Variants in URB1 observed in about 807,000 individuals in gnomAD.
URB1 encodes nucleolar pre-ribosomal-associated protein 1.
Under a neutral mutation model 242.3 loss-of-function variants are expected in URB1, and 197 were observed. The observed-to-expected ratio is 0.81, with a 90% CI of 0.72 to 0.91. URB1 has a LOEUF of 0.91. Among genes scored for constraint, URB1 ranks in the 40% least tolerant of loss-of-function variants. The pLI is 0.00. For missense variants in URB1, 2,721 were observed against 2,860.5 expected, an observed-to-expected ratio of 0.95 and a Z score of 1.11; for synonymous variants, 1,153 against 1,201.8, an observed-to-expected ratio of 0.96 and a Z score of 0.84.
Position 32,322,608 on chromosome 21 carries a change from G to A in URB1, c.5234-24C>T, listed in dbSNP as rs148046445. The A allele has an allele frequency of 7.8e-4, 1,196 of 1,527,558 alleles. 7 individuals carry two copies. The African/African-American group carries it at 0.014, about 18-fold the overall frequency. The allele number at this position is 1,527,558 out of a possible 1,614,324, so 94.6% of individuals were successfully genotyped here. A position where few individuals can be genotyped will look rare whatever the true frequency, so the allele number is the denominator to read the frequency against. ...CTCTGAGAACACAGGCAGTCAGTCAGTCATGGCAGGCCCCAGCAGGACGCC... is the reference window on the plus strand; with the variant it reads ...CTCTGAGAACACAGGCAGTCAGTCAATCATGGCAGGCCCCAGCAGGACGCC... On this transcript the variant is annotated intron_variant, in intron 32 of 38. Coordinates refer to ENST00000382751, the MANE Select transcript of URB1 (RefSeq NM_014825.3).
At chr21:32,392,746 T>TG in intron 1 of URB1, 23 bp downstream of exon 1, 1 of 1,417,744 alleles carries the variant, frequency 7.1e-7, no homozygotes, top group Non-Finnish European at 9.2e-7. Context: ...CTCCCGACCC[T>TG]GCGCCTGCCG....
chr21:32,382,475 T>C (rs768731921), intron 4 of URB1, among the ~76,000 whole-genome samples: 2 of 152,126 alleles, frequency 1.3e-5, no homozygotes, highest in African/African-American at 2.4e-5. Context: ...CCATAAAAGC[T>C]ACTTGGTATT....
chr21:32,392,336 A>G (rs1053162162), intron 1 of URB1, among the ~76,000 whole-genome samples: 2 of 152,196 alleles, frequency 1.3e-5, no homozygotes, highest in Admixed American at 6.5e-5. Flanking sequence ...CAAGTCATCA[A>G]GTCAGTATGA....
intron 4 of URB1, among the ~76,000 whole-genome samples, chr21:32,382,761 G>C (rs547522485): frequency 6.6e-5 from 10 of 152,078 alleles, no homozygotes; most frequent in Non-Finnish European, 1.5e-5. Flanking sequence ...CAGCACACGC[G>C]ATGGGAGGAT....
intron 28 of URB1, 24 bp downstream of exon 28, chr21:32,337,070 G>A: frequency 6.4e-6 from 10 of 1,550,968 alleles, no homozygotes; most frequent in Non-Finnish European, 8.7e-6. Context: ...TCAAGGCCTA[G>A]TCTACCTCTA....
At position 32,375,560 on chromosome 21, in the gene URB1, AG is replaced by A. The variant is rs2033450044; in HGVS notation, c.665-78del. 7 of 828,148 alleles carry A rather than the reference AG, an allele frequency of 8.5e-6. No individual in the cohort carries two copies. In the East Asian group the frequency reaches 2.1e-4, roughly 25 times the overall value. The allele number at this position is 828,148 out of a possible 1,614,324, so 51.3% of individuals were successfully genotyped here. ...AATAGACGAGAGAATATTACTGTTT[AG>A]GTGGTACAGCAAACAATGCCATTTA... On this transcript the variant is annotated intron_variant, in intron 5 of 38. Transcript: ENST00000382751.
chr21:32,316,560 C>T lies in URB1; in HGVS notation c.6540G>A (p.Leu2180=). ...ACLFNTVMLQ[L]VAAQGRAGSP... ...TCCCTGCCCGGCCCTGGGCAGCCAC[C>T]AGCTGCAGCATGACCGTATTGAACA... is the stretch of plus-strand genomic sequence containing the variant. The change falls in exon 38 of 39, where the codon CTG becomes CTA. Residue 2180 remains leucine, a synonymous_variant. Coordinates refer to ENST00000382751, the MANE Select transcript of URB1 (RefSeq NM_014825.3). 2 of 1,551,330 alleles carry T rather than the reference C, an allele frequency of 1.3e-6. No individual in the cohort carries two copies. The highest frequency in any genetic ancestry group is 8.7e-7 in the Non-Finnish European group (1 of 1,146,908).
chr21:32,386,166 A>AT (rs1008965357), intron 1 of URB1, among the ~76,000 whole-genome samples: 1 of 150,696 alleles, frequency 6.6e-6, no homozygotes, highest in Non-Finnish European at 1.5e-5. Context: ...AAAAAAAAAA[A>AT]GAAAGAAAGA....
At chr21:32,341,758 T>A (rs1166682148) in intron 24 of URB1, among the ~76,000 whole-genome samples, 1 of 151,950 alleles carries the variant, frequency 6.6e-6, no homozygotes, top group East Asian at 1.9e-4. Flanking sequence ...AATGATTATT[T>A]TTTTTTAATA....
At chr21:32,369,461 A>T (rs1054432169) in intron 8 of URB1, among the ~76,000 whole-genome samples, 17 of 152,130 alleles carry the variant, frequency 1.1e-4, no homozygotes, top group Non-Finnish European at 2.5e-4. Flanking sequence ...TTTAATTTTT[A>T]AAATTTTTTA....
chr21:32,325,431 T>G (rs757227418), intron 30 of URB1, 42 bp from the exon 31 acceptor site: 1 of 1,520,308 alleles, frequency 6.6e-7, no homozygotes, highest in Non-Finnish European at 8.9e-7. Flanking sequence ...CACAATATGA[T>G]TTTATTATTC....
At chr21:32,391,974 T>C (rs764443186) in intron 1 of URB1, among the ~76,000 whole-genome samples, 2 of 151,914 alleles carry the variant, frequency 1.3e-5, no homozygotes, top group African/African-American at 2.4e-5. Flanking sequence ...CAGTGAGCTA[T>C]GATAGTGCCA....
chr21:32,367,763 ACT>A (rs1243295730), intron 9 of URB1, among the ~76,000 whole-genome samples: 1 of 152,154 alleles, frequency 6.6e-6, no homozygotes, highest in Non-Finnish European at 1.5e-5. Context: ...ATTTTATTTT[ACT>A]TTTTATGAGC....
rs1009515849 is a variant in URB1, at chr21:32,316,695, G to A, written c.6405C>T (p.Val2135=). 1.3e-5 allele frequency: 20 copies of A among 1,551,256 alleles called. No individual in the cohort carries two copies. Among genetic ancestry groups the A allele is most frequent in the African/African-American group, 8.2e-5 (6 of 73,060 alleles). Residue 2135 remains valine, a synonymous_variant, in exon 38 of 39, where the codon GTC becomes GTT. Transcript: ENST00000382751. ...LKSHILPHPV[V]VADLLKDSAV... ...CACTGTCCTTAAGGAGGTCAGCCAC[G>A]ACCACAGGGTGTGGCAAAATATGGC...
chr21:32,392,331 C>T (rs923029173), intron 1 of URB1, among the ~76,000 whole-genome samples: 1 of 152,158 alleles, frequency 6.6e-6, no homozygotes, highest in Non-Finnish European at 1.5e-5. Flanking sequence ...TGTTACAAGT[C>T]ATCAAGTCAG....
chr21:32,377,464 G>A (rs904020942), intron 5 of URB1: 19 of 345,220 alleles, frequency 5.5e-5, no homozygotes, highest in African/African-American at 4.3e-4. Context: ...AATGGCCCAC[G>A]GGAATTTGAA....
At chr21:32,318,326 G>A (rs575911557) in intron 36 of URB1, among the ~76,000 whole-genome samples, 7 of 152,188 alleles carry the variant, frequency 4.6e-5, no homozygotes, top group African/African-American at 4.8e-5. Context: ...CACCACCCAC[G>A]GCCAAAACCT....
At chr21:32,325,054 G>A (rs1300358722) in intron 31 of URB1, among the ~76,000 whole-genome samples, 175 bp downstream of exon 31, 1 of 152,062 alleles carries the variant, frequency 6.6e-6, no homozygotes, top group African/African-American at 2.4e-5. Context: ...GATCAAAGGC[G>A]ACCTCCGGGA....
rs1568825353 is a variant in URB1, at chr21:32,361,942, CCTTT to C, written c.1585_1588del (p.Lys529GlyfsTer25). The C allele has an allele frequency of 6.4e-7, 1 of 1,551,556 alleles. No individual in the cohort carries two copies. The highest frequency in any genetic ancestry group is 1.4e-5 in the African/African-American group (1 of 73,166). On this transcript the variant is annotated frameshift_variant, in exon 12 of 39. Coordinates refer to ENST00000382751, the MANE Select transcript of URB1 (RefSeq NM_014825.3). LOFTEE classifies it high-confidence loss of function. The stretch of plus-strand genomic sequence containing the variant: ...CGGGGGCCCATCGCTCCTTTTCTGC[CCTTT>C]CTTGTCATCCTGTTTGGTCTCTTGC...
Sources: allele counts gnomAD v4.1 joint callset (sites outside exome capture counted in the v4.1 genomes callset), GRCh38; gene constraint gnomAD v4.1.1; transcripts MANE v1.5; gene names NCBI Gene and HGNC (gene_info 2026-07-23, HGNC 2026-07-21).